EYA1: variants seen among roughly 807,000 people sequenced by gnomAD.
EYA1 encodes the protein EYA transcriptional coactivator and phosphatase 1.
Under a neutral mutation model 82.0 loss-of-function variants are expected in EYA1, and 16 were observed. The ratio of observed to expected loss-of-function variants is 0.20; its 90% CI spans 0.13 to 0.30. The LOEUF is 0.30. EYA1 is among the 10% of genes least tolerant of loss of function. The probability of loss-of-function intolerance (pLI) is 1.00; values close to 1 mark genes in which losing one functional copy is unlikely to be tolerated. For synonymous variants in EYA1, 261 were observed against 264.4 expected, an observed-to-expected ratio of 0.99 and a Z score of 0.12; for missense variants, 633 against 730.7, an observed-to-expected ratio of 0.87 and a Z score of 1.54.
intron 11 of EYA1, among the ~76,000 whole-genome samples, chr8:71,257,825 A>G (rs1814619839): frequency 6.6e-6 from 1 of 152,224 alleles, no homozygotes; most frequent in African/African-American, 2.4e-5. Flanking sequence ...GAAGAGCAGT[A>G]ACCCTAGAAA....
chr8:71,363,535 C>T (rs1280957182), upstream of EYA1, among the ~76,000 whole-genome samples: 2 of 152,158 alleles, frequency 1.3e-5, no homozygotes, highest in East Asian at 1.9e-4. Context: ...CAGGTCAAAA[C>T]ACAGTTGATT....
At chr8:71,459,441 G>A (rs1272277305) in intron 2 of EYA1, among the ~76,000 whole-genome samples, 1 of 152,092 alleles carries the variant, frequency 6.6e-6, no homozygotes, top group African/African-American at 2.4e-5. Context: ...CAAACTGGCT[G>A]TACTGACCTT....
At chr8:71,341,862 T>C (rs1318470114) in intron 3 of EYA1, among the ~76,000 whole-genome samples, 1 of 152,164 alleles carries the variant, frequency 6.6e-6, no homozygotes, top group Non-Finnish European at 1.5e-5. Flanking sequence ...GAAACATTAG[T>C]CTATTTCAAA....
chr8:71,466,862 T>C (rs919814968), intron 2 of EYA1, among the ~76,000 whole-genome samples: 7 of 152,142 alleles, frequency 4.6e-5, no homozygotes, highest in Admixed American at 3.9e-4. Flanking sequence ...AGTCTCTGTC[T>C]CTTCTTCTTA....
chr8:71,214,465 T>C (rs1022319195), intron 16 of EYA1, among the ~76,000 whole-genome samples: 4 of 152,210 alleles, frequency 2.6e-5, no homozygotes, highest in South Asian at 2.1e-4. Context: ...CACACTTTCA[T>C]AGACACTTGG....
At chr8:71,481,949 T>C (rs1810194910) in intron 2 of EYA1, among the ~76,000 whole-genome samples, 1 of 152,176 alleles carries the variant, frequency 6.6e-6, no homozygotes. Context: ...GTAGCTTCCA[T>C]TCTGTAACTT....
chr8:71,399,766 T>C (rs140205552), intron 2 of EYA1, among the ~76,000 whole-genome samples: 5 of 152,286 alleles, frequency 3.3e-5, no homozygotes, highest in Non-Finnish European at 7.3e-5. Context: ...TAAACTACCA[T>C]TGAAATGCTT....
intron 2 of EYA1, among the ~76,000 whole-genome samples, chr8:71,451,167 T>G (rs1807339588): frequency 6.6e-6 from 1 of 152,230 alleles, no homozygotes; most frequent in Non-Finnish European, 1.5e-5. Context: ...GATTTGGCAC[T>G]ATGTATGAAA....
chr8:71,517,871 C>A (rs1166780187), intron 2 of EYA1, among the ~76,000 whole-genome samples: 1 of 150,874 alleles, frequency 6.6e-6, no homozygotes, highest in Non-Finnish European at 1.5e-5. Context: ...ATATACAATC[C>A]CTGATTCCTA....
At chr8:71,456,064 G>A (rs1466533697) in intron 2 of EYA1, among the ~76,000 whole-genome samples, 2 of 152,160 alleles carry the variant, frequency 1.3e-5, no homozygotes, top group African/African-American at 4.8e-5. Context: ...CAAAGTCTCA[G>A]GATACAAAAT....
At chr8:71,508,400 A>G (rs561715121) in intron 2 of EYA1, among the ~76,000 whole-genome samples, 3 of 152,134 alleles carry the variant, frequency 2.0e-5, no homozygotes, top group Non-Finnish European at 2.9e-5. Context: ...CAGCCCCCCA[A>G]GTAGCTGGGA....
chr8:71,418,201 C>G (rs879227154), intron 2 of EYA1, among the ~76,000 whole-genome samples: 12 of 152,164 alleles, frequency 7.9e-5, no homozygotes, highest in African/African-American at 2.7e-4. Context: ...ACACTTGGTG[C>G]CGAAGTTGTA....
intron 2 of EYA1, among the ~76,000 whole-genome samples, chr8:71,434,462 T>A (rs749183144): frequency 3.3e-5 from 5 of 152,190 alleles, no homozygotes; most frequent in Non-Finnish European, 7.4e-5. Flanking sequence ...AGCTATGGCA[T>A]CAATTTAACT....
intron 2 of EYA1, among the ~76,000 whole-genome samples, chr8:71,466,967 G>A (rs1356070283): frequency 6.6e-6 from 1 of 151,942 alleles, no homozygotes; most frequent in Non-Finnish European, 1.5e-5. Context: ...ATTACTATAT[G>A]TACCTTATAA....
At chr8:71,255,498 T>TTAA (rs1430989821) in intron 11 of EYA1, among the ~76,000 whole-genome samples, 2 of 152,090 alleles carry the variant, frequency 1.3e-5, no homozygotes, top group African/African-American at 4.8e-5. Flanking sequence ...AATGAGGAAA[T>TTAA]AATAGTCTTT....
At chr8:71,524,168 T>C (rs1259489350) in intron 2 of EYA1, among the ~76,000 whole-genome samples, 1 of 152,188 alleles carries the variant, frequency 6.6e-6, no homozygotes, top group Non-Finnish European at 1.5e-5. Flanking sequence ...ATAGAAACAT[T>C]TTTCAGATAC....
chr8:71,511,776 T>A (rs1016760844), intron 2 of EYA1, among the ~76,000 whole-genome samples: 1 of 152,164 alleles, frequency 6.6e-6, no homozygotes, highest in East Asian at 1.9e-4. Context: ...CACGATTGAA[T>A]AAAAATTTGG....
chr8:71,336,358 A>G (rs1408815440), intron 3 of EYA1, among the ~76,000 whole-genome samples: 1 of 152,234 alleles, frequency 6.6e-6, no homozygotes, highest in African/African-American at 2.4e-5. Flanking sequence ...ATTCTCACAT[A>G]GAAGTTTCAT....
Position 71,482,651 on chromosome 8 carries a change from G to T in EYA1, c.33+53093C>A, listed in dbSNP as rs571564588. Among the ~76,000 whole-genome samples, 6 of 152,162 alleles carry T rather than the reference G, an allele frequency of 3.9e-5. No homozygotes were observed. The South Asian group carries it at 1.2e-3, about 32-fold the overall frequency. On this transcript the variant is annotated intron_variant, in intron 2 of 18. Transcript: ENST00000643681. ...TGAAATCATCAAATGTTCAGCAACAGTAAAGAAATTGTGGCATATTCATAT... is the reference window on the plus strand; with the variant it reads ...TGAAATCATCAAATGTTCAGCAACATTAAAGAAATTGTGGCATATTCATAT...
Sources: gnomAD v4.1 joint callset for allele counts (sites outside exome capture counted in the v4.1 genomes callset) on GRCh38, gnomAD v4.1.1 for gene constraint, MANE v1.5 for transcripts, NCBI Gene and HGNC (gene_info 2026-07-23, HGNC 2026-07-21) for gene names.